Variants in CTTN observed in about 807,000 individuals in gnomAD.
The protein encoded by CTTN is src substrate cortactin.
A neutral mutation model predicts 84.0 loss-of-function variants in CTTN; 28 were observed. That is an observed-to-expected ratio of 0.33 (90% confidence interval 0.25 to 0.46). CTTN has a LOEUF of 0.46. Among genes scored for constraint, CTTN ranks in the 20% least tolerant of loss-of-function variants. The pLI is 1.00. For synonymous variants in CTTN, 301 were observed against 288.8 expected, an observed-to-expected ratio of 1.04 and a Z score of -0.43; for missense variants, 641 against 723.8, an observed-to-expected ratio of 0.89 and a Z score of 1.31.
intron 13 of CTTN, among the ~76,000 whole-genome samples, chr11:70,427,613 C>T (rs1249796822): frequency 2.0e-5 from 3 of 152,232 alleles, no homozygotes; most frequent in African/African-American, 7.2e-5. Flanking sequence ...GCCGCCCAAG[C>T]GTGCCAGGCA....
At chr11:70,408,264 C>T (rs193010837) in intron 4 of CTTN, 4 of 152,374 alleles carry the variant, frequency 2.6e-5, no homozygotes, top group South Asian at 2.1e-4. Context: ...ACCCGGTGAC[C>T]GCCTCAGTAT....
intron 14 of CTTN, among the ~76,000 whole-genome samples, 184 bp from the exon 15 acceptor site, chr11:70,431,007 G>A (rs559561657): frequency 2.7e-4 from 41 of 152,176 alleles, no homozygotes; most frequent in East Asian, 9.7e-4. Context: ...CCTGCCCCTC[G>A]GATCCTGCTG....
intron 8 of CTTN, among the ~76,000 whole-genome samples, chr11:70,418,918 A>G (rs978883906): frequency 1.3e-5 from 2 of 151,092 alleles, no homozygotes; most frequent in African/African-American, 2.4e-5. Context: ...CCGGGATTAC[A>G]GGCATGCACC....
In CTTN at chr11:70,436,200, G is replaced by A; in HGVS notation, c.*1038G>A. On this transcript the variant is annotated 3_prime_UTR_variant, in exon 18 of 18. Transcript: ENST00000301843. ...TTGAAGGCTAGAAGTGTGAAGTGCA[G>A]ATGAGTGTGTGTTCTTCCCCAAGGT... The A allele has an allele frequency of 6.4e-7, 1 of 1,553,140 alleles. No homozygotes were observed. Among genetic ancestry groups the A allele is most frequent in the South Asian group, 1.2e-5 (1 of 83,978 alleles).
intron 11 of CTTN, 200 bp downstream of exon 11, chr11:70,421,780 A>C: frequency 1.7e-6 from 1 of 583,504 alleles, no homozygotes; most frequent in East Asian, 2.9e-5. Flanking sequence ...CTTCCCTGTG[A>C]ACTTGTGATC....
chr11:70,428,042 A>T (rs566367964), intron 13 of CTTN, among the ~76,000 whole-genome samples: 1 of 151,976 alleles, frequency 6.6e-6, no homozygotes, highest in Admixed American at 6.6e-5. Flanking sequence ...ACGCTATTCC[A>T]TGAGAAAACA....
Position 70,435,618 on chromosome 11 carries a change from C to G in CTTN, c.*456C>G. 6.3e-7 allele frequency: 1 copy of G among 1,590,712 alleles called. No homozygotes were observed. On this transcript the variant is annotated 3_prime_UTR_variant, in exon 18 of 18. Transcript: ENST00000301843. ...AGACGAGGGGCTTCCTCTAGAGTCT[C>G]ACTGCTGGGGAGGAGAGGACTGGGC...
At chr11:70,421,135 G>A (rs761964267) in intron 10 of CTTN, among the ~76,000 whole-genome samples, 19 of 152,210 alleles carry the variant, frequency 1.2e-4, no homozygotes, top group Non-Finnish European at 2.2e-4. Context: ...CTCTCCTCCC[G>A]TGTACACAGA....
intron 17 of CTTN, among the ~76,000 whole-genome samples, chr11:70,434,574 C>T (rs1026144582): frequency 6.6e-5 from 10 of 152,248 alleles, no homozygotes; most frequent in Non-Finnish European, 1.2e-4. Flanking sequence ...GGCACCTGTG[C>T]GTGGATTCTC....
chr11:70,398,975 G>T (rs1297184740), intron 1 of CTTN, among the ~76,000 whole-genome samples: 1 of 150,856 alleles, frequency 6.6e-6, no homozygotes, highest in African/African-American at 2.4e-5. Context: ...TCCAGGGCAG[G>T]AGAGGGGCCA....
At chr11:70,407,811 A>T (rs2058060096) in intron 4 of CTTN, 3 of 492,086 alleles carry the variant, frequency 6.1e-6, no homozygotes, top group Non-Finnish European at 1.1e-5. Flanking sequence ...TTCTGTGCTC[A>T]GTAATTTTTA....
rs2058082625 is a variant in CTTN at position 70,410,106 on chromosome 11, T to C, written c.291+146T>C. 6.5e-6 allele frequency: 5 copies of C among 773,838 alleles called. No individual in the cohort carries two copies. In the South Asian group the frequency reaches 8.4e-5, roughly 13 times the overall value. The allele number at this position is 773,838 out of a possible 1,614,324, so 47.9% of individuals were successfully genotyped here. On this transcript the variant is annotated intron_variant, in intron 5 of 17. Transcript: ENST00000301843. ...GCGATTTGCCCGGAGTAGACCCCTGTTGATTGGACTTACTCATGAAGTACT... is the reference window on the plus strand; with the variant it reads ...GCGATTTGCCCGGAGTAGACCCCTGCTGATTGGACTTACTCATGAAGTACT...
chr11:70,404,907 C>T (rs558166209), intron 1 of CTTN, among the ~76,000 whole-genome samples: 1 of 152,310 alleles, frequency 6.6e-6, no homozygotes, highest in East Asian at 1.9e-4. Context: ...GAGGCTGAGG[C>T]AGGAGAATCA....
rs901733643 is a variant in CTTN, at chr11:70,420,087, C to T, written c.679+231C>T. 4 of 599,028 alleles carry T rather than the reference C, an allele frequency of 6.7e-6. No homozygotes were observed. In the Admixed American group the frequency reaches 9.4e-5, roughly 14 times the overall value. 37.1% of individuals were successfully genotyped at this position (599,028 alleles called of 1,614,324 possible). A position where few individuals can be genotyped will look rare whatever the true frequency, so the allele number is the denominator to read the frequency against. On this transcript the variant is annotated intron_variant, in intron 9 of 17. Transcript: ENST00000301843. The stretch of plus-strand genomic sequence containing the variant: ...CCAGCGGCGTTGCTTATCGTGGTGG[C>T]CACACCCCGCACGTCTGTGTTGCCC...
At chr11:70,434,486 A>G (rs902966952) in intron 17 of CTTN, among the ~76,000 whole-genome samples, 6 of 152,244 alleles carry the variant, frequency 3.9e-5, no homozygotes, top group African/African-American at 1.4e-4. Context: ...ACCATAAGTG[A>G]GCGCTGGCCG....
rs758070018 is a variant in CTTN at position 70,435,486 on chromosome 11, CTT to C, written c.*325_*326del. ...GGCAGCTTCAGGGAGCTCGCATTCT[CTT>C]GTGTTCGTGTTGCCCTCGTGCCCAT... is the stretch of plus-strand genomic sequence containing the variant. On this transcript the variant is annotated 3_prime_UTR_variant, in exon 18 of 18. Transcript: ENST00000301843. The C allele has an allele frequency of 1.5e-5, 23 of 1,553,162 alleles. No individual in the cohort carries two copies. In the Middle Eastern group the frequency reaches 5.0e-4, roughly 34 times the overall value.
chr11:70,428,152 A>G (rs1361699595), intron 13 of CTTN, among the ~76,000 whole-genome samples: 2 of 65,486 alleles, frequency 3.1e-5, no homozygotes, highest in Non-Finnish European at 6.8e-5. Context: ...GTGTCTTCCC[A>G]CTTTTTTTTT....
chr11:70,422,818 C>T, intron 11 of CTTN, 122 bp from the exon 12 acceptor site: 2 of 1,537,792 alleles, frequency 1.3e-6, no homozygotes, highest in Non-Finnish European at 1.8e-6. Flanking sequence ...CTTGGCCATT[C>T]TCGTTTCTTC....
chr11:70,414,497 C>A (rs775401085), intron 5 of CTTN, 45 bp from the exon 6 acceptor site: 1 of 1,398,008 alleles, frequency 7.2e-7, no homozygotes, highest in East Asian at 2.3e-5. Context: ...TGAAGCGCCG[C>A]AGTGTTGTTG....
Sources: gnomAD v4.1 joint callset for allele counts (sites outside exome capture counted in the v4.1 genomes callset) on GRCh38, gnomAD v4.1.1 for gene constraint, MANE v1.5 for transcripts, NCBI Gene and HGNC (gene_info 2026-07-23, HGNC 2026-07-21) for gene names.